The following ZNF91 variants were observed in gnomAD, a reference collection of about 807,000 sequenced individuals.
ZNF91 encodes the protein zinc finger protein 91 (HPF7, HTF10).
In ZNF91, 7 loss-of-function variants were observed where a neutral mutation model predicts 12.6. The observed-to-expected ratio is 0.55, with a 90% CI of 0.31 to 1.04. The LOEUF is 1.04. Ranked by LOEUF, ZNF91 falls within the 50% of genes least tolerant of loss-of-function variation. The pLI, the probability that ZNF91 is intolerant of heterozygous loss-of-function variation, is 0.05. For synonymous variants in ZNF91, 453 were observed against 462.6 expected (o/e 0.98, Z 0.27); for missense variants, 1,217 against 1,385.4 (o/e 0.88, Z 1.93).
chr19:23,323,999 T>G (rs193142977), intron 1 of ZNF91: 20 of 149,192 alleles, frequency 1.3e-4, no homozygotes, highest in Non-Finnish European at 2.5e-4. Context: ...CTCCCGATTC[T>G]CCTCCTCTCC....
chr19:23,349,968 G>T, intron 3 of ZNF91, among the ~76,000 whole-genome samples: 1 of 152,162 alleles, frequency 6.6e-6, no homozygotes, highest in East Asian at 1.9e-4. Context: ...AGTTCATGGG[G>T]TTATTGCACT....
intron 1 of ZNF91, among the ~76,000 whole-genome samples, chr19:23,317,708 C>T (rs559637822): frequency 6.6e-6 from 1 of 152,254 alleles, no homozygotes; most frequent in Admixed American, 6.5e-5. Context: ...ATCCAGTCCA[C>T]AGGTAGGCTG....
chr19:23,361,525 G>C lies in ZNF91; in HGVS notation c.1454C>G (p.Thr485Ser). 6.2e-7 allele frequency: 1 copy of C among 1,613,800 alleles called. No individual in the cohort carries two copies. The highest frequency in any genetic ancestry group is 8.5e-7 in the Non-Finnish European group (1 of 1,179,866). ...STLTRHKRIH[T>S]GEKPYKCEEC... Reference sequence around the variant, plus strand: ...TTCACATTTGTAGGGCTTCTCTCCAGTGTGTATCCTCTTATGTCTAGTTAG... The same window carrying C: ...TTCACATTTGTAGGGCTTCTCTCCACTGTGTATCCTCTTATGTCTAGTTAG... Residue 485 changes from threonine (T) to serine (S), a missense_variant, in exon 4 of 4, where the codon ACT becomes AGT. By Grantham distance (58) the Thr-to-Ser change is moderately conservative. This residue lies in a region of ZNF91 where 726 missense variants were observed against 895.5 expected (regional missense o/e 0.81). Coordinates refer to ENST00000300619, the MANE Select transcript of ZNF91 (RefSeq NM_003430.4).
At chr19:23,322,582 T>C (rs1006887833) in intron 1 of ZNF91, among the ~76,000 whole-genome samples, 2 of 152,178 alleles carry the variant, frequency 1.3e-5, no homozygotes, top group African/African-American at 4.8e-5. Context: ...CCTGTTGAGT[T>C]TGAACTTTAA....
chr19:23,309,604 C>A (rs1026733085), intron 1 of ZNF91, among the ~76,000 whole-genome samples: 1 of 152,040 alleles, frequency 6.6e-6, no homozygotes, highest in Non-Finnish European at 1.5e-5. Flanking sequence ...TGTGACTCTT[C>A]TGTTTGCTCC....
At chr19:23,368,288 G>C (rs1969098359) in intron 3 of ZNF91, among the ~76,000 whole-genome samples, 1 of 151,924 alleles carries the variant, frequency 6.6e-6, no homozygotes, top group Non-Finnish European at 1.5e-5. Flanking sequence ...GAGATAGGTG[G>C]ATCACAAGGT....
At chr19:23,337,471 C>CAA (rs34158184), downstream of ZNF91, among the ~76,000 whole-genome samples, 7 of 122,234 alleles carry the variant, frequency 5.7e-5, no homozygotes, top group African/African-American at 5.7e-5. Context: ...GTAATAACTT[C>CAA]AAAAAAAAAA....
intron 3 of ZNF91, among the ~76,000 whole-genome samples, chr19:23,370,374 T>C (rs1007118582): frequency 3.3e-5 from 5 of 152,220 alleles, no homozygotes; most frequent in Non-Finnish European, 7.3e-5. Flanking sequence ...AGGGTGTTTG[T>C]CAAGGGCTAG....
Position 23,395,377 on chromosome 19 carries a change from C to G in ZNF91, c.-23G>C. On this transcript the variant is annotated 5_prime_UTR_variant, in exon 1 of 4. Transcript: ENST00000300619. The stretch of plus-strand genomic sequence containing the variant: ...CATCTTAGCTGTGGCTCTCCAATAC[C>G]TGCAGGTCACAGGGCCACACAGGCT... The G allele has an allele frequency of 3.7e-6, 6 of 1,613,680 alleles. No homozygotes were observed. Among genetic ancestry groups the G allele is most frequent in the Non-Finnish European group, 1.7e-6 (2 of 1,179,754 alleles).
chr19:23,342,142 GT>G, intron 3 of ZNF91: 1 of 445,520 alleles, frequency 2.2e-6, no homozygotes, highest in Non-Finnish European at 4.1e-6. Context: ...CCTCGTCTCT[GT>G]TATCTGCTTC....
intron 1 of ZNF91, among the ~76,000 whole-genome samples, chr19:23,319,202 G>A (rs1393878419): frequency 6.6e-6 from 1 of 152,190 alleles, no homozygotes; most frequent in Non-Finnish European, 1.5e-5. Context: ...GTATTGTGAC[G>A]TATCGCTGAG....
chr19:23,372,133 A>G (rs929353697), intron 3 of ZNF91, among the ~76,000 whole-genome samples: 3 of 152,160 alleles, frequency 2.0e-5, no homozygotes, highest in Admixed American at 6.6e-5. Context: ...ATTCTAGTAT[A>G]TTGTCCTAAA....
At position 23,358,025 on chromosome 19, in the gene ZNF91, T is replaced by C. The variant is rs1968538317; in HGVS notation, c.*1378A>G. On this transcript the variant is annotated 3_prime_UTR_variant, in exon 4 of 4. Transcript: ENST00000300619. ...ACAATATTCTTTAACTTAATGGCAATTAAAACTCACTGGCAAAAAAAATCA... is the reference window on the plus strand; with the variant it reads ...ACAATATTCTTTAACTTAATGGCAACTAAAACTCACTGGCAAAAAAAATCA... The C allele has an allele frequency of 6.6e-6, 1 of 152,102 alleles. No individual in the cohort carries two copies. 9.4% of individuals were successfully genotyped at this position (152,102 alleles called of 1,614,324 possible).
rs143033331 is a variant in ZNF91 at position 23,381,706 on chromosome 19, C to T, written c.31-6942G>A. Among the ~76,000 whole-genome samples, 389 of 152,132 alleles carry T rather than the reference C, an allele frequency of 2.6e-3. 3 individuals are homozygous for T. The highest frequency in any genetic ancestry group is 9.0e-3 in the African/African-American group (375 of 41,518). The stretch of plus-strand genomic sequence containing the variant: ...AACTCCCAACCTCAGGTGATCCGCC[C>T]GACTTGGCCTCCCAAAGTGCTGGGA... On this transcript the variant is annotated intron_variant, in intron 1 of 3. Coordinates refer to ENST00000300619, the MANE Select transcript of ZNF91 (RefSeq NM_003430.4).
chr19:23,384,951 A>G, intron 1 of ZNF91: 2 of 885,660 alleles, frequency 2.3e-6, no homozygotes, highest in East Asian at 4.8e-5. Context: ...CAAAGTTGCC[A>G]AGGCTTAGCT....
chr19:23,391,760 A>G (rs976958488), intron 1 of ZNF91, among the ~76,000 whole-genome samples: 1 of 152,130 alleles, frequency 6.6e-6, no homozygotes, highest in Non-Finnish European at 1.5e-5. Flanking sequence ...GGCTTCTTCC[A>G]TAGCTGAGGT....
intron 2 of ZNF91, 33 bp from the exon 3 acceptor site, chr19:23,373,870 G>T: frequency 6.6e-7 from 1 of 1,509,564 alleles, no homozygotes; most frequent in Non-Finnish European, 9.0e-7. Context: ...CATGAGTCTT[G>T]CTCATATTCT....
chr19:23,335,939 G>C (rs777843305), downstream of ZNF91, among the ~76,000 whole-genome samples: 1 of 151,966 alleles, frequency 6.6e-6, no homozygotes, highest in Non-Finnish European at 1.5e-5. Context: ...GTTCCTATTC[G>C]GCCATCTTGG....
chr19:23,342,012 A>G (rs1968135541), intron 3 of ZNF91, among the ~76,000 whole-genome samples: 1 of 152,222 alleles, frequency 6.6e-6, no homozygotes, highest in Non-Finnish European at 1.5e-5. Context: ...AGGGTATGGG[A>G]CAAAAGATGC....
Sources: gnomAD v4.1 joint callset for allele counts (sites outside exome capture counted in the v4.1 genomes callset) on GRCh38, gnomAD v4.1.1 for gene constraint, gnomAD v4.1.1 regional missense constraint, MANE v1.5 for transcripts, NCBI Gene and HGNC (gene_info 2026-07-23, HGNC 2026-07-21) for gene names.